Variants in FEZ1 observed in about 807,000 individuals in gnomAD.
FEZ1 encodes the protein fasciculation and elongation protein zeta-1.
A neutral mutation model predicts 49.3 loss-of-function variants in FEZ1; 20 were observed. That is an observed-to-expected ratio of 0.41 (90% CI 0.29 to 0.59). The LOEUF is 0.59. Ranked by LOEUF, FEZ1 falls within the 20% of genes least tolerant of loss-of-function variation. The pLI is 0.36. For missense variants in FEZ1, 413 were observed against 476.0 expected (o/e 0.87, Z 1.23); for synonymous variants, 170 against 180.9 (o/e 0.94, Z 0.48).
chr11:125,449,238 G>A (rs1956927149), intron 8 of FEZ1, among the ~76,000 whole-genome samples: 1 of 147,774 alleles, frequency 6.8e-6, no homozygotes, highest in Non-Finnish European at 1.5e-5. Flanking sequence ...TAAAGATGAG[G>A]TTTTGCCATG....
rs376299504 is a variant in FEZ1, at chr11:125,450,988, A to T, written c.1096+1346T>A. 1.6e-4 allele frequency among the ~76,000 whole-genome samples: 24 copies of T among 152,338 alleles called. No individual in the cohort carries two copies. The East Asian group carries it at 2.9e-3, about 18-fold the overall frequency. On this transcript the variant is annotated intron_variant, in intron 8 of 9. Transcript: ENST00000278919. ...AAAAAATGTAAACAAAACCACTCAA[A>T]ATAGAAAAAAGTCTGTTTCTTAATT...
chr11:125,473,149 T>C lies in FEZ1; in HGVS notation c.411+8385A>G, dbSNP rs549082671. Among the ~76,000 whole-genome samples, 44 of 152,236 alleles carry C rather than the reference T, an allele frequency of 2.9e-4. No homozygotes were observed. In the South Asian group the frequency reaches 8.1e-3, roughly 28 times the overall value. Reference sequence around the variant, plus strand: ...ATACAGTGTGGGATTGGCATAAAGATAGACACATTTTAAAATAAATTAGGG... The same window carrying C: ...ATACAGTGTGGGATTGGCATAAAGACAGACACATTTTAAAATAAATTAGGG... On this transcript the variant is annotated intron_variant, in intron 3 of 9. Transcript: ENST00000278919.
At chr11:125,492,691 A>G (rs890185036) in intron 1 of FEZ1, among the ~76,000 whole-genome samples, 5 of 152,242 alleles carry the variant, frequency 3.3e-5, no homozygotes, top group African/African-American at 1.2e-4. Context: ...CATCTATAAA[A>G]TGGAGTTTAA....
chr11:125,446,196 G>C, intron 9 of FEZ1, 85 bp from the exon 10 acceptor site: 1 of 1,298,192 alleles, frequency 7.7e-7, no homozygotes. Context: ...CTAGCTGAGA[G>C]CAGTCACACC....
At chr11:125,488,088 G>C (rs1468209510) in intron 2 of FEZ1, among the ~76,000 whole-genome samples, 5 of 152,152 alleles carry the variant, frequency 3.3e-5, no homozygotes, top group Non-Finnish European at 7.3e-5. Flanking sequence ...ATCTCTGCAG[G>C]GAACTCATGT....
intron 5 of FEZ1, among the ~76,000 whole-genome samples, chr11:125,456,994 GCCAGCATAGTGAAAC>G (rs1179544189): frequency 1.3e-5 from 2 of 151,834 alleles, no homozygotes; most frequent in Non-Finnish European, 2.9e-5. Context: ...AAACAGCCTG[GCCAGCATAGTGAAAC>G]CCTGCCTCTA....
intron 5 of FEZ1, chr11:125,460,245 G>A (rs186055598): frequency 2.9e-5 from 11 of 372,946 alleles, no homozygotes; most frequent in African/African-American, 4.1e-5. Flanking sequence ...GATTTCTTCT[G>A]CTTATTCTGC....
intron 4 of FEZ1, among the ~76,000 whole-genome samples, chr11:125,461,497 C>T (rs1428916796): frequency 1.3e-5 from 2 of 152,158 alleles, no homozygotes; most frequent in Non-Finnish European, 2.9e-5. Flanking sequence ...GTCCATGTTA[C>T]TTGGGAGGTT....
chr11:125,485,237 T>G (rs1014400636), intron 2 of FEZ1, among the ~76,000 whole-genome samples: 1 of 152,154 alleles, frequency 6.6e-6, no homozygotes, highest in African/African-American at 2.4e-5. Flanking sequence ...TTCAGGTGCA[T>G]ATTTTATAGC....
rs1443761954 is a variant in FEZ1, at chr11:125,495,272, C to G, written c.-46+849G>C. On this transcript the variant is annotated intron_variant, in intron 1 of 9. Coordinates refer to ENST00000278919, the MANE Select transcript of FEZ1 (RefSeq NM_005103.5). This position sits in a 1 kb window ranked among gnomAD's most constrained non-coding sequence, Gnocchi z 4.2. ...TCATCCCGTGCAGGCCGCATACACA[C>G]TCCACTGCCCTTCCGGCCAAACAAG... The G allele has an allele frequency of 2.3e-6, 1 of 428,622 alleles. No individual in the cohort carries two copies. Among genetic ancestry groups the G allele is most frequent in the Non-Finnish European group, 4.9e-6 (1 of 203,796 alleles). 26.6% of individuals were successfully genotyped at this position (428,622 alleles called of 1,614,324 possible).
chr11:125,454,121 T>G lies in FEZ1; in HGVS notation c.1020+9A>C. 1 of 1,607,498 alleles carries G rather than the reference T, an allele frequency of 6.2e-7. No homozygotes were observed. Among genetic ancestry groups the G allele is most frequent in the Non-Finnish European group, 8.5e-7 (1 of 1,175,176 alleles). ...GGAAGAGAGCTTGGAGCAGGGAGAC[T>G]ACGCGTACCTGTTTGTCAGTTCCTG... On this transcript the variant is annotated intron_variant, in intron 7 of 9. Coordinates refer to ENST00000278919, the MANE Select transcript of FEZ1 (RefSeq NM_005103.5).
intron 6 of FEZ1, 100 bp downstream of exon 6, chr11:125,455,735 C>A (rs753283365): frequency 1.6e-6 from 2 of 1,233,266 alleles, no homozygotes; most frequent in East Asian, 2.3e-5. Context: ...CACCACTGCT[C>A]GGTAAACGTT....
rs775326083 is a variant in FEZ1, at chr11:125,446,072, C to A, written c.*23G>T. On this transcript the variant is annotated 3_prime_UTR_variant, in exon 10 of 10. Coordinates refer to ENST00000278919, the MANE Select transcript of FEZ1 (RefSeq NM_005103.5). Reference sequence around the variant, plus strand: ...ACTCTTGCTCAGTGACCTCCTGCAGCGAGGCTGCTCCAAAGGGCAAGGTTA... The same window carrying A: ...ACTCTTGCTCAGTGACCTCCTGCAGAGAGGCTGCTCCAAAGGGCAAGGTTA... The A allele has an allele frequency of 9.9e-6, 16 of 1,612,616 alleles. No homozygotes were observed. The South Asian group carries it at 1.8e-4, about 18-fold the overall frequency.
intron 9 of FEZ1, among the ~76,000 whole-genome samples, chr11:125,448,087 T>A (rs1956914407): frequency 6.6e-6 from 1 of 152,212 alleles, no homozygotes; most frequent in Admixed American, 6.5e-5. Context: ...TCCTCTACTC[T>A]TGTATGTACA....
At position 125,495,751 on chromosome 11, in the gene FEZ1, C is replaced by T; in HGVS notation, c.-46+370G>A. ...CCTTCTTCCCCCAGCCCCCATACCTCGCCGCCCTGCCTTCACACGCGCGCA... is the reference window on the plus strand; with the variant it reads ...CCTTCTTCCCCCAGCCCCCATACCTTGCCGCCCTGCCTTCACACGCGCGCA... On this transcript the variant is annotated intron_variant, in intron 1 of 9. Transcript: ENST00000278919. The surrounding 1 kb of genome is among the most constrained non-coding windows in gnomAD (Gnocchi z 4.2). The T allele has an allele frequency of 4.8e-6, 1 of 207,366 alleles. No homozygotes were observed. Among genetic ancestry groups the T allele is most frequent in the Non-Finnish European group, 8.8e-6 (1 of 114,218 alleles). 12.8% of individuals were successfully genotyped at this position (207,366 alleles called of 1,614,324 possible).
chr11:125,448,618 C>T, intron 8 of FEZ1, 51 bp from the exon 9 acceptor site: 1 of 1,207,494 alleles, frequency 8.3e-7, no homozygotes, highest in Non-Finnish European at 1.2e-6. Context: ...GTCAGAGGTT[C>T]ACTTCTAGGG....
At chr11:125,488,704 CA>C (rs560703636) in intron 2 of FEZ1, 822 of 982,610 alleles carry the variant, frequency 8.4e-4, no homozygotes, top group Non-Finnish European at 9.6e-4. Flanking sequence ...CAAAACAAAA[CA>C]AAAAAACACA....
chr11:125,458,322 G>C (rs1957039769), intron 5 of FEZ1, among the ~76,000 whole-genome samples: 1 of 152,126 alleles, frequency 6.6e-6, no homozygotes, highest in Non-Finnish European at 1.5e-5. Context: ...GTGGGCATTT[G>C]ATACCCTACG....
chr11:125,448,353 A>G, intron 9 of FEZ1, 149 bp downstream of exon 9: 1 of 550,212 alleles, frequency 1.8e-6, no homozygotes, highest in Non-Finnish European at 3.2e-6. Flanking sequence ...CAAAGGGAAA[A>G]CCTATTACTC....
Sources: gnomAD v4.1 joint callset for allele counts (sites outside exome capture counted in the v4.1 genomes callset) on GRCh38, gnomAD v4.1.1 for gene constraint, Gnocchi (gnomAD v3.1) non-coding constraint, MANE v1.5 for transcripts, NCBI Gene and HGNC (gene_info 2026-07-23, HGNC 2026-07-21) for gene names.